Variants in PIK3C2G observed in about 807,000 individuals in gnomAD.
PIK3C2G encodes phosphatidylinositol-4-phosphate 3-kinase catalytic subunit type 2 gamma.
A neutral mutation model predicts 181.1 loss-of-function variants in PIK3C2G; 168 were observed. That is an observed-to-expected ratio of 0.93 (90% CI 0.82 to 1.05). PIK3C2G has a LOEUF of 1.05. Among genes scored for constraint, PIK3C2G ranks in the 50% least tolerant of loss-of-function variants. The pLI, the probability that PIK3C2G is intolerant of heterozygous loss-of-function variation, is 0.00. For synonymous variants in PIK3C2G, 573 were observed against 592.2 expected, an observed-to-expected ratio of 0.97 and a Z score of 0.47; for missense variants, 1,869 against 1,732.8, an observed-to-expected ratio of 1.08 and a Z score of -1.40.
chr12:18,515,459 T>A (rs1344367656), intron 24 of PIK3C2G, among the ~76,000 whole-genome samples: 2 of 152,028 alleles, frequency 1.3e-5, no homozygotes, highest in Non-Finnish European at 2.9e-5. Flanking sequence ...GTATATTATA[T>A]GTATCCAGTA....
the PIK3C2G span, among the ~76,000 whole-genome samples, chr12:18,723,022 T>A: frequency 6.6e-6 from 1 of 152,042 alleles, no homozygotes; most frequent in East Asian, 1.9e-4. Context: ...AGAATCATTG[T>A]CTTACTTTCA....
chr12:18,430,611 C>A (rs116804536), intron 18 of PIK3C2G, among the ~76,000 whole-genome samples: 3 of 152,198 alleles, frequency 2.0e-5, no homozygotes, highest in East Asian at 3.9e-4. Context: ...AGACTTATGT[C>A]GATAGGGGGT....
At chr12:18,399,350 A>T (rs1944107398) in intron 15 of PIK3C2G, among the ~76,000 whole-genome samples, 1 of 151,688 alleles carries the variant, frequency 6.6e-6, no homozygotes, top group South Asian at 2.1e-4. Flanking sequence ...TCCCTAGAGG[A>T]GAGAGATTTT....
At chr12:18,476,515 G>T (rs1269859150) in intron 18 of PIK3C2G, among the ~76,000 whole-genome samples, 2 of 151,976 alleles carry the variant, frequency 1.3e-5, no homozygotes. Flanking sequence ...AGAGAGGGCG[G>T]GAAAAAATTC....
intron 25 of PIK3C2G, among the ~76,000 whole-genome samples, chr12:18,539,776 G>C (rs952570341): frequency 1.3e-5 from 2 of 151,858 alleles, no homozygotes; most frequent in Non-Finnish European, 2.9e-5. Context: ...TGAAAGATAA[G>C]TATCTCTAAA....
the PIK3C2G span, chr12:18,712,750 A>C: frequency 1.4e-6 from 2 of 1,450,168 alleles, no homozygotes; most frequent in Non-Finnish European, 1.9e-6. Flanking sequence ...AATATCATCT[A>C]AAGTAAGGCT....
intron 30 of PIK3C2G, among the ~76,000 whole-genome samples, chr12:18,598,500 A>G (rs1651414940): frequency 6.6e-6 from 1 of 151,818 alleles, no homozygotes. Flanking sequence ...AAATCAATTC[A>G]AGATGGATTA....
chr12:18,509,184 T>C (rs1284595467), intron 24 of PIK3C2G, among the ~76,000 whole-genome samples: 1 of 152,154 alleles, frequency 6.6e-6, no homozygotes, highest in Non-Finnish European at 1.5e-5. Context: ...CCTGAGTAGC[T>C]GTAATTACAT....
chr12:18,424,742 G>T, intron 18 of PIK3C2G: 1 of 211,098 alleles, frequency 4.7e-6, no homozygotes, highest in South Asian at 9.0e-5. Context: ...AATGCTAAAG[G>T]TGAAGTAGAA....
chr12:18,425,386 CTTTTT>C (rs1228477062), intron 18 of PIK3C2G, among the ~76,000 whole-genome samples: 1 of 65,312 alleles, frequency 1.5e-5, no homozygotes, highest in Non-Finnish European at 2.7e-5. Flanking sequence ...ACAGACATTT[CTTTTT>C]TTTTTTTTTT....
chr12:18,536,798 G>A (rs1375332725), intron 24 of PIK3C2G, among the ~76,000 whole-genome samples: 1 of 152,010 alleles, frequency 6.6e-6, no homozygotes, highest in Non-Finnish European at 1.5e-5. Flanking sequence ...ATAAGTCAAT[G>A]AAGGCCAAAT....
At chr12:18,312,032 C>A (rs1051728102) in intron 5 of PIK3C2G, among the ~76,000 whole-genome samples, 1 of 152,152 alleles carries the variant, frequency 6.6e-6, no homozygotes, top group Non-Finnish European at 1.5e-5. Context: ...CAGTCTAGTC[C>A]TTCCACGTTT....
intron 28 of PIK3C2G, 110 bp downstream of exon 28, chr12:18,563,608 C>G (rs1945461921): frequency 3.2e-6 from 3 of 945,134 alleles, no homozygotes; most frequent in Non-Finnish European, 3.2e-6. Context: ...TATTCTGACT[C>G]CAATGCCATT....
the PIK3C2G span, among the ~76,000 whole-genome samples, chr12:18,688,382 A>T: frequency 6.6e-6 from 1 of 152,078 alleles, no homozygotes; most frequent in Non-Finnish European, 1.5e-5. Context: ...TAAGTCTTTT[A>T]TCCTCAGTTA....
chr12:18,518,209 G>A (rs1380126608), intron 24 of PIK3C2G, among the ~76,000 whole-genome samples: 1 of 152,002 alleles, frequency 6.6e-6, no homozygotes, highest in African/African-American at 2.4e-5. Context: ...TTTTTGTTGT[G>A]CCTCTGCCAG....
At chr12:18,528,271 C>T (rs983088442) in intron 24 of PIK3C2G, among the ~76,000 whole-genome samples, 2 of 152,118 alleles carry the variant, frequency 1.3e-5, no homozygotes, top group East Asian at 3.9e-4. Context: ...ATATCAAGAA[C>T]AGTATAAGCT....
At chr12:18,555,196 T>A (rs1944939873) in intron 26 of PIK3C2G, among the ~76,000 whole-genome samples, 1 of 152,148 alleles carries the variant, frequency 6.6e-6, no homozygotes, top group Non-Finnish European at 1.5e-5. Context: ...TAAATTGAAA[T>A]ACGCTGTCAT....
At chr12:18,398,833 G>T (rs1944047962) in intron 15 of PIK3C2G, among the ~76,000 whole-genome samples, 1 of 152,156 alleles carries the variant, frequency 6.6e-6, no homozygotes, top group African/African-American at 2.4e-5. Context: ...TGTTTTTGAA[G>T]TTAACAACAG....
intron 19 of PIK3C2G, 69 bp downstream of exon 19, chr12:18,488,698 T>C: frequency 1.0e-6 from 1 of 992,708 alleles, no homozygotes; most frequent in Non-Finnish European, 1.4e-6. Context: ...TTTAATTTCA[T>C]TGTTTGCAAA....
Sources: gnomAD v4.1 joint callset for allele counts (sites outside exome capture counted in the v4.1 genomes callset) on GRCh38, gnomAD v4.1.1 for gene constraint, MANE v1.5 for transcripts, NCBI Gene and HGNC (gene_info 2026-07-23, HGNC 2026-07-21) for gene names.